MEIOSIN: variants seen among roughly 807,000 people sequenced by gnomAD.
The protein encoded by MEIOSIN is meiosis initiator.
Under a neutral mutation model 23.4 loss-of-function variants are expected in MEIOSIN, and 18 were observed. The observed-to-expected ratio is 0.77, with a 90% CI of 0.53 to 1.14. The LOEUF (loss-of-function observed/expected upper bound fraction) is 1.14. Among genes scored for constraint, MEIOSIN ranks in the 50% most tolerant of loss-of-function variants. The probability of loss-of-function intolerance (pLI) is 0.00; values close to 1 mark genes in which losing one functional copy is unlikely to be tolerated. For synonymous variants in MEIOSIN, 187 were observed against 100.6 expected (o/e 1.86, Z -5.14); for missense variants, 428 against 242.9 (o/e 1.76, Z -5.07).
intron 4 of MEIOSIN, among the ~76,000 whole-genome samples, chr19:45,745,557 C>A (rs1308874820): frequency 6.6e-6 from 1 of 152,172 alleles, no homozygotes; most frequent in Non-Finnish European, 1.5e-5. Context: ...AGAGATAGCA[C>A]AAAGATCATT....
At chr19:45,750,003 C>CA (rs766354868) in intron 4 of MEIOSIN, among the ~76,000 whole-genome samples, 997 of 73,218 alleles carry the variant, frequency 0.014, 10 homozygotes, top group African/African-American at 0.042. Flanking sequence ...GACTCTGTCT[C>CA]AAAAAAAAAA....
chr19:45,738,683 T>C (rs1343975593), intron 2 of MEIOSIN, among the ~76,000 whole-genome samples: 1 of 152,192 alleles, frequency 6.6e-6, no homozygotes, highest in Non-Finnish European at 1.5e-5. Context: ...GTAAGAGAAG[T>C]ATGGCTTCTA....
chr19:45,759,437 T>C lies in MEIOSIN; in HGVS notation c.1192T>C (p.Leu398=). ...AGCGGCTTTCTTTGAAGAAGTGTGCTTAGATCTGGAGTCTTCACCTTCAGC... is the reference window on the plus strand; with the variant it reads ...AGCGGCTTTCTTTGAAGAAGTGTGCCTAGATCTGGAGTCTTCACCTTCAGC... ...TQAAFFEEVC[L]DLESSPSAYT... Residue 398 remains leucine (L), a synonymous_variant, in exon 11 of 15, where the codon TTA becomes CTA. Transcript: ENST00000457052. 1.4e-6 allele frequency: 1 copy of C among 703,572 alleles called. No homozygotes were observed. Among genetic ancestry groups the C allele is most frequent in the South Asian group, 1.5e-5 (1 of 67,596 alleles). The allele number at this position is 703,572 out of a possible 1,614,324, so 43.6% of individuals were successfully genotyped here.
Position 45,753,680 on chromosome 19 carries a change from G to A in MEIOSIN, c.448G>A (p.Ala150Thr), listed in dbSNP as rs748794552. 3 of 702,770 alleles carry A rather than the reference G, an allele frequency of 4.3e-6. No homozygotes were observed. In the African/African-American group the frequency reaches 5.2e-5, roughly 12 times the overall value. The allele number at this position is 702,770 out of a possible 1,614,324, so 43.5% of individuals were successfully genotyped here. ...GLGQKPAWGP[A>T]RRRRHSTPSS... ...GGGTCAGAAACCAGCCTGGGGCCCA[G>A]CCAGGCGGAGGAGACACTCTACCCC... The change falls in exon 6 of 15, where the codon GCC becomes ACC. Residue 150 changes from alanine to threonine, a missense_variant. Transcript: ENST00000457052.
chr19:45,738,434 A>G (rs1265626597), intron 2 of MEIOSIN, among the ~76,000 whole-genome samples: 1 of 152,252 alleles, frequency 6.6e-6, no homozygotes, highest in Non-Finnish European at 1.5e-5. Context: ...CCTGGCCAAC[A>G]GGGCAAAACC....
chr19:45,752,649 G>C (rs1968735601), intron 5 of MEIOSIN, among the ~76,000 whole-genome samples: 1 of 152,088 alleles, frequency 6.6e-6, no homozygotes, highest in Non-Finnish European at 1.5e-5. Context: ...CACCAAGCCT[G>C]ACTTGTTTCT....
intron 2 of MEIOSIN, among the ~76,000 whole-genome samples, chr19:45,737,796 G>T (rs1168960875): frequency 6.6e-6 from 1 of 151,614 alleles, no homozygotes; most frequent in Non-Finnish European, 1.5e-5. Context: ...AGCTGGGCAT[G>T]ATATAATCCC....
intron 7 of MEIOSIN, among the ~76,000 whole-genome samples, 187 bp downstream of exon 7, chr19:45,754,911 TGGG>T (rs1968791726): frequency 6.6e-6 from 1 of 152,120 alleles, no homozygotes; most frequent in African/African-American, 2.4e-5. Context: ...GTGGCTGTAA[TGGG>T]GGGATGAGAT....
At chr19:45,758,219 C>T (rs1223057988) in intron 9 of MEIOSIN, among the ~76,000 whole-genome samples, 1 of 152,118 alleles carries the variant, frequency 6.6e-6, no homozygotes, top group Admixed American at 6.6e-5. Context: ...GTCTCGAACT[C>T]CTGACCTCAG....
chr19:45,755,803 C>T (rs1335550622), intron 7 of MEIOSIN, among the ~76,000 whole-genome samples, 167 bp from the exon 8 acceptor site: 1 of 152,130 alleles, frequency 6.6e-6, no homozygotes, highest in African/African-American at 2.4e-5. Flanking sequence ...TGATTTGGGG[C>T]ACCCCTCAGC....
chr19:45,753,874 G>C (rs561180593), intron 6 of MEIOSIN, 86 bp downstream of exon 6: 2 of 631,442 alleles, frequency 3.2e-6, no homozygotes, highest in Admixed American at 2.6e-5. Context: ...TACTCTGGGG[G>C]CCTTCTCAGC....
chr19:45,753,656 G>T lies in MEIOSIN; in HGVS notation c.424G>T (p.Gly142Cys), dbSNP rs1252163324. ...TTCCCTCTCCATCCCTGCAGGGCTG[G>T]GTCAGAAACCAGCCTGGGGCCCAGC... The part of the protein sequence containing the change: ...TTGEGGLAGL[G>C]QKPAWGPARR... The change falls in exon 6 of 15, where the codon GGT becomes TGT. Residue 142 changes from glycine to cysteine, a missense_variant. Gly to Cys is a radical substitution (Grantham distance 159). Transcript: ENST00000457052. 1.4e-6 allele frequency: 1 copy of T among 702,352 alleles called. No homozygotes were observed. The highest frequency in any genetic ancestry group is 2.6e-6 in the Non-Finnish European group (1 of 384,720). 43.5% of individuals were successfully genotyped at this position (702,352 alleles called of 1,614,324 possible). A position where few individuals can be genotyped will look rare whatever the true frequency, so the allele number is the denominator to read the frequency against.
In MEIOSIN at chr19:45,752,071, C is replaced by A. The variant is rs182444586; in HGVS notation, c.418+1285C>A. Among the ~76,000 whole-genome samples the A allele has an allele frequency of 1.9e-4, 24 of 124,224 alleles. No individual in the cohort carries two copies. In the Admixed American group the frequency reaches 1.9e-3, roughly 10 times the overall value. 81.5% of individuals were successfully genotyped at this position (124,224 alleles called of 152,430 possible). ...TTTTTTTTTGAGACAAGGTCTCACT[C>A]TGTCACCCAGGCTGGAATGCAGTGG... On this transcript the variant is annotated intron_variant, in intron 5 of 14. Transcript: ENST00000457052.
intron 11 of MEIOSIN, among the ~76,000 whole-genome samples, chr19:45,760,196 G>A (rs749567012): frequency 6.6e-5 from 10 of 151,876 alleles, no homozygotes; most frequent in Admixed American, 3.3e-4. Flanking sequence ...AGCTGGGCGC[G>A]GTGGCTCACA....
chr19:45,759,305 G>A (rs961378540), intron 10 of MEIOSIN, 109 bp from the exon 11 acceptor site: 12 of 665,204 alleles, frequency 1.8e-5, no homozygotes, highest in African/African-American at 1.6e-4. Context: ...AGATCCTGAA[G>A]GAGAACGCCA....
At chr19:45,748,724 C>T (rs1426262709) in intron 4 of MEIOSIN, among the ~76,000 whole-genome samples, 1 of 152,016 alleles carries the variant, frequency 6.6e-6, no homozygotes, top group African/African-American at 2.4e-5. Context: ...TTTTTCTTAG[C>T]GAGTGCCAAC....
chr19:45,758,948 C>T lies in MEIOSIN; in HGVS notation c.1083C>T (p.Leu361=), dbSNP rs186063381. The change falls in exon 10 of 15, where the codon CTC becomes CTT. Residue 361 remains leucine (L), a synonymous_variant. Coordinates refer to ENST00000457052, the MANE Select transcript of MEIOSIN (RefSeq NM_001310124.2). ...WSGTGHPSEI[L]GLSPSLFSSP... ...GAACAGGCCACCCAAGTGAGATCCT[C>T]GGGCTCAGCCCTAGCCTTTTCAGCT... 3,085 of 703,112 alleles carry T rather than the reference C, an allele frequency of 4.4e-3. 11 individuals carry two copies. Among genetic ancestry groups the T allele is most frequent in the Non-Finnish European group, 6.4e-3 (2,465 of 385,028 alleles). 43.6% of individuals were successfully genotyped at this position (703,112 alleles called of 1,614,324 possible).
At chr19:45,750,013 AAAAAAG>A (rs1239456569) in intron 4 of MEIOSIN, among the ~76,000 whole-genome samples, 18 of 150,554 alleles carry the variant, frequency 1.2e-4, no homozygotes, top group African/African-American at 1.9e-4. Context: ...CAAAAAAAAA[AAAAAAG>A]AAAAAGAAAA....
rs747319056 is a variant in MEIOSIN at position 45,763,446 on chromosome 19, G to A, written c.1769+19G>A. On this transcript the variant is annotated intron_variant, in intron 14 of 14. Coordinates refer to ENST00000457052, the MANE Select transcript of MEIOSIN (RefSeq NM_001310124.2). ...CATACTGGTGAGAGGCTCCGGCCCC[G>A]AGGTGTGGGTGGGGGGTGGAAGAGC... 4.3e-5 allele frequency: 17 copies of A among 398,536 alleles called. No homozygotes were observed. Among genetic ancestry groups the A allele is most frequent in the Non-Finnish European group, 5.7e-5 (13 of 226,118 alleles). 24.7% of individuals were successfully genotyped at this position (398,536 alleles called of 1,614,324 possible).
Sources: allele counts gnomAD v4.1 joint callset (sites outside exome capture counted in the v4.1 genomes callset), GRCh38; gene constraint gnomAD v4.1.1; transcripts MANE v1.5; gene names NCBI Gene and HGNC (gene_info 2026-07-23, HGNC 2026-07-21).